The following KCNJ16 variants were observed in gnomAD, a reference collection of about 807,000 sequenced individuals.
The protein encoded by KCNJ16 is inward rectifier potassium channel 16.
In KCNJ16, 15 loss-of-function variants were observed where a neutral mutation model predicts 18.5. That is an observed-to-expected ratio of 0.81 (90% CI 0.54 to 1.25). KCNJ16 has a LOEUF of 1.25. Among genes scored for constraint, KCNJ16 ranks in the 50% most tolerant of loss-of-function variants. The probability of loss-of-function intolerance (pLI) is 0.00; values close to 1 mark genes in which losing one functional copy is unlikely to be tolerated. For synonymous variants in KCNJ16, 174 were observed against 186.5 expected (o/e 0.93, Z 0.55); for missense variants, 523 against 525.7 (o/e 0.99, Z 0.05).
chr17:70,099,677 T>A (rs2143821741), intron 1 of KCNJ16, among the ~76,000 whole-genome samples: 1 of 152,226 alleles, frequency 6.6e-6, no homozygotes, highest in Admixed American at 6.5e-5. Context: ...CTTCACTCAG[T>A]CATTTTGGCA....
intron 2 of KCNJ16, among the ~76,000 whole-genome samples, chr17:70,118,003 T>G (rs2073479566): frequency 6.6e-6 from 1 of 152,146 alleles, no homozygotes; most frequent in African/African-American, 2.4e-5. Context: ...CTACTCAACT[T>G]TGTAAGTTTG....
chr17:70,110,541 G>T (rs936416954), intron 2 of KCNJ16, among the ~76,000 whole-genome samples: 15 of 152,086 alleles, frequency 9.9e-5, no homozygotes, highest in Middle Eastern at 3.4e-3. Context: ...ATGAGAGCTA[G>T]TTCTTCAGTA....
At chr17:70,093,747 C>A (rs1372062468) in intron 1 of KCNJ16, among the ~76,000 whole-genome samples, 1 of 152,028 alleles carries the variant, frequency 6.6e-6, no homozygotes, top group Admixed American at 6.6e-5. Flanking sequence ...CTTTTAGTTT[C>A]TTATGGCCAT....
rs2073034405 is a variant in KCNJ16 at position 70,108,493 on chromosome 17, G to C, written c.-191+7727G>C. On this transcript the variant is annotated intron_variant, in intron 2 of 3. Coordinates refer to ENST00000392671, the MANE Select transcript of KCNJ16 (RefSeq NM_170741.4). ...AAAAGACAAATCAGTCATTTTGCAT[G>C]TTGATATCTATAAATGACCACATCA... 5 of 152,182 alleles carry C rather than the reference G, an allele frequency of 3.3e-5. No homozygotes were observed. The South Asian group carries it at 1.0e-3, about 32-fold the overall frequency. 9.4% of individuals were successfully genotyped at this position (152,182 alleles called of 1,614,324 possible).
chr17:70,080,972 G>C (rs1354129317), intron 1 of KCNJ16, among the ~76,000 whole-genome samples: 3 of 152,208 alleles, frequency 2.0e-5, no homozygotes, highest in African/African-American at 7.2e-5. Flanking sequence ...GCAAGTGCAA[G>C]ACACACTTAG....
intron 1 of KCNJ16, among the ~76,000 whole-genome samples, chr17:70,084,511 T>C (rs1407273958): frequency 6.6e-6 from 1 of 152,226 alleles, no homozygotes; most frequent in Non-Finnish European, 1.5e-5. Flanking sequence ...GTTGACTATC[T>C]GATGTTTGAT....
chr17:70,102,855 T>G (rs550232248), intron 2 of KCNJ16, among the ~76,000 whole-genome samples: 1 of 152,148 alleles, frequency 6.6e-6, no homozygotes, highest in African/African-American at 2.4e-5. Context: ...GACATCACAC[T>G]GCTAAATCCA....
chr17:70,082,059 T>C (rs554403018), intron 1 of KCNJ16, among the ~76,000 whole-genome samples: 18 of 152,304 alleles, frequency 1.2e-4, no homozygotes, highest in Non-Finnish European at 2.5e-4. Flanking sequence ...ACTCGTTCTG[T>C]TGGTCACTAG....
chr17:70,109,582 G>A (rs986909508), intron 2 of KCNJ16, among the ~76,000 whole-genome samples: 7 of 151,892 alleles, frequency 4.6e-5, no homozygotes, highest in African/African-American at 4.8e-5. Context: ...CTCTCACTGG[G>A]GGCCTGTTAA....
At chr17:70,080,319 T>G (rs1262451742) in intron 1 of KCNJ16, among the ~76,000 whole-genome samples, 1 of 152,216 alleles carries the variant, frequency 6.6e-6, no homozygotes, top group Non-Finnish European at 1.5e-5. Context: ...TTTAGAAGTA[T>G]TAATTTCACT....
chr17:70,102,854 C>T (rs1200660622), intron 2 of KCNJ16, among the ~76,000 whole-genome samples: 2 of 152,134 alleles, frequency 1.3e-5, no homozygotes, highest in African/African-American at 2.4e-5. Flanking sequence ...TGACATCACA[C>T]TGCTAAATCC....
intron 1 of KCNJ16, among the ~76,000 whole-genome samples, chr17:70,092,597 A>AGAT (rs1394713501): frequency 6.6e-6 from 1 of 151,658 alleles, no homozygotes; most frequent in African/African-American, 2.4e-5. Flanking sequence ...ATAGATAGAT[A>AGAT]GATAGATAGA....
intron 2 of KCNJ16, chr17:70,104,727 T>A (rs931355946): frequency 6.6e-6 from 1 of 152,422 alleles, no homozygotes; most frequent in Non-Finnish European, 1.5e-5. Context: ...AAAACAAAGA[T>A]GTAAATAGGC....
chr17:70,120,701 T>C (rs1314629647), intron 2 of KCNJ16, among the ~76,000 whole-genome samples: 1 of 152,082 alleles, frequency 6.6e-6, no homozygotes, highest in Non-Finnish European at 1.5e-5. Flanking sequence ...TTGCAAGAAC[T>C]GGTCGTGGTC....
rs189012637 is a variant in KCNJ16 at position 70,082,704 on chromosome 17, C to A, written c.-300+7314C>A. On this transcript the variant is annotated intron_variant, in intron 1 of 3. Transcript: ENST00000392671. The stretch of plus-strand genomic sequence containing the variant: ...ATTGGTATTAACTTGCTGCCACTAT[C>A]TTTATGGAGTAGGTGGCCAGAACGT... Among the ~76,000 whole-genome samples the A allele has an allele frequency of 3.3e-5, 5 of 152,222 alleles. No individual in the cohort carries two copies. In the East Asian group the frequency reaches 9.7e-4, roughly 29 times the overall value.
chr17:70,115,152 A>C (rs147231908), intron 2 of KCNJ16, among the ~76,000 whole-genome samples: 24 of 152,168 alleles, frequency 1.6e-4, no homozygotes, highest in Non-Finnish European at 2.8e-4. Context: ...TTCAAAATGC[A>C]TAAGAATCAA....
intron 2 of KCNJ16, among the ~76,000 whole-genome samples, chr17:70,125,005 A>G (rs115628599): frequency 0.055 from 8,359 of 152,156 alleles, 780 homozygotes; most frequent in African/African-American, 0.19. Context: ...AGTGGCTCAC[A>G]TCTGTAATCC....
At chr17:70,087,055 C>G (rs2071830035) in intron 1 of KCNJ16, among the ~76,000 whole-genome samples, 1 of 133,628 alleles carries the variant, frequency 7.5e-6, no homozygotes, top group African/African-American at 2.9e-5. Flanking sequence ...CCTGCCACCA[C>G]ACCTAGCTAC....
intron 2 of KCNJ16, among the ~76,000 whole-genome samples, chr17:70,126,379 C>T (rs1162148192): frequency 3.3e-5 from 5 of 152,142 alleles, no homozygotes; most frequent in African/African-American, 1.2e-4. Context: ...TCATTTTACC[C>T]AGCTCCTACT....
Sources: allele counts gnomAD v4.1 joint callset (sites outside exome capture counted in the v4.1 genomes callset), GRCh38; gene constraint gnomAD v4.1.1; transcripts MANE v1.5; gene names NCBI Gene and HGNC (gene_info 2026-07-23, HGNC 2026-07-21).